Variants in TAFA4 observed in about 807,000 individuals in gnomAD.
The protein encoded by TAFA4 is chemokine-like protein TAFA-4.
In TAFA4, 20 loss-of-function variants were observed where a neutral mutation model predicts 21.1. The observed-to-expected ratio is 0.95, with a 90% CI of 0.67 to 1.38. The LOEUF is 1.38. Among genes scored for constraint, TAFA4 ranks in the 40% most tolerant of loss-of-function variants. TAFA4 has a pLI of 0.00. For missense variants in TAFA4, 211 were observed against 180.9 expected, an observed-to-expected ratio of 1.17 and a Z score of -0.95; for synonymous variants, 71 against 67.4, an observed-to-expected ratio of 1.05 and a Z score of -0.26.
intron 3 of TAFA4, among the ~76,000 whole-genome samples, chr3:68,870,928 G>A (rs189544906): frequency 1.2e-4 from 19 of 152,166 alleles, no homozygotes; most frequent in Non-Finnish European, 2.8e-4. Flanking sequence ...TCTTTTTTAT[G>A]GCTGCATAGT....
rs140891560 is a variant in TAFA4 at position 68,811,348 on chromosome 3, G to A, written c.131-58330C>T. ...GAATGACTTCGACAAGCTGAGACAA[G>A]AAGGCTTCAGATGATCAAACTACTC... On this transcript the variant is annotated intron_variant, in intron 3 of 5. Transcript: ENST00000295569. Among the ~76,000 whole-genome samples the A allele has an allele frequency of 4.7e-3, 718 of 152,302 alleles. 7 individuals are homozygous for A. The highest frequency in any genetic ancestry group is 0.037 in the Middle Eastern group (11 of 294).
At chr3:68,835,301 T>C (rs1215095601) in intron 3 of TAFA4, among the ~76,000 whole-genome samples, 1 of 152,190 alleles carries the variant, frequency 6.6e-6, no homozygotes. Flanking sequence ...TGACATTTAC[T>C]TTTTTCTCTT....
At chr3:68,818,354 T>G (rs1478691177) in intron 3 of TAFA4, among the ~76,000 whole-genome samples, 1 of 152,210 alleles carries the variant, frequency 6.6e-6, no homozygotes, top group African/African-American at 2.4e-5. Context: ...TTAAACTTTC[T>G]CCATATCTTC....
chr3:68,820,540 A>T (rs1257080457), intron 3 of TAFA4, among the ~76,000 whole-genome samples: 1 of 152,170 alleles, frequency 6.6e-6, no homozygotes, highest in African/African-American at 2.4e-5. Context: ...TTAGCTGGGC[A>T]TGATGGCATG....
At chr3:68,860,308 GT>G (rs1270429704) in intron 3 of TAFA4, among the ~76,000 whole-genome samples, 1 of 152,132 alleles carries the variant, frequency 6.6e-6, no homozygotes, top group Non-Finnish European at 1.5e-5. Flanking sequence ...TGAATATCAA[GT>G]GCACTATTGT....
chr3:68,824,706 T>C (rs1032304), intron 3 of TAFA4, among the ~76,000 whole-genome samples: 60,691 of 152,064 alleles, frequency 0.4, 12,741 homozygotes, highest in Non-Finnish European at 0.47. Context: ...TGACACAGAA[T>C]GCAATGTTTT....
intron 3 of TAFA4, among the ~76,000 whole-genome samples, chr3:68,760,490 T>C (rs537503424): frequency 6.6e-6 from 1 of 152,308 alleles, no homozygotes; most frequent in Non-Finnish European, 1.5e-5. Context: ...CTTCTCCTTT[T>C]GTTGAAATCC....
chr3:68,739,744 T>C (rs1373391214), intron 4 of TAFA4, among the ~76,000 whole-genome samples: 1 of 152,122 alleles, frequency 6.6e-6, no homozygotes, highest in Admixed American at 6.5e-5. Flanking sequence ...GAACTGGAGA[T>C]CATTATCTTA....
intron 1 of TAFA4, among the ~76,000 whole-genome samples, chr3:68,887,254 C>T (rs1261138130): frequency 6.6e-6 from 1 of 152,196 alleles, no homozygotes; most frequent in Non-Finnish European, 1.5e-5. Flanking sequence ...AGTCTTAAAG[C>T]TGGAGAATAA....
chr3:68,765,495 T>C (rs1873263), intron 3 of TAFA4, among the ~76,000 whole-genome samples: 104,724 of 152,022 alleles, frequency 0.69, 36,589 homozygotes, highest in East Asian at 0.99. Flanking sequence ...ACACACTATA[T>C]ATGTCATTAA....
chr3:68,753,114 TC>T, intron 3 of TAFA4, 96 bp from the exon 4 acceptor site: 2 of 1,081,634 alleles, frequency 1.8e-6, no homozygotes, highest in Non-Finnish European at 2.7e-6. Context: ...TTTTCCAACT[TC>T]CTGTGCTATG....
chr3:68,843,978 C>G (rs553853189), intron 3 of TAFA4, among the ~76,000 whole-genome samples: 2 of 152,138 alleles, frequency 1.3e-5, no homozygotes, highest in Admixed American at 6.5e-5. Context: ...CTGAAATTTT[C>G]TTTTTTTGTT....
At chr3:68,848,533 A>C (rs1301440577) in intron 3 of TAFA4, among the ~76,000 whole-genome samples, 2 of 152,236 alleles carry the variant, frequency 1.3e-5, no homozygotes, top group Non-Finnish European at 2.9e-5. Flanking sequence ...CCTACTTTAC[A>C]GCCTTTCCAG....
chr3:68,876,101 T>C (rs9876251), intron 3 of TAFA4, among the ~76,000 whole-genome samples: 5,591 of 152,288 alleles, frequency 0.037, 351 homozygotes, highest in African/African-American at 0.13. Flanking sequence ...GGACTTATCA[T>C]AGTAGGCTCT....
intron 1 of TAFA4, among the ~76,000 whole-genome samples, chr3:68,905,773 G>A (rs183355730): frequency 2.1e-3 from 316 of 152,282 alleles, no homozygotes; most frequent in Non-Finnish European, 3.7e-3. Context: ...TTATAATCAG[G>A]AGTTCTCATT....
chr3:68,816,434 A>C (rs897476964), intron 3 of TAFA4, among the ~76,000 whole-genome samples: 2 of 152,138 alleles, frequency 1.3e-5, no homozygotes, highest in Non-Finnish European at 2.9e-5. Flanking sequence ...TCGTTTATGT[A>C]CTTGAGTAAA....
chr3:68,750,571 A>G (rs1394492750), intron 4 of TAFA4, among the ~76,000 whole-genome samples: 2 of 152,204 alleles, frequency 1.3e-5, no homozygotes, highest in Non-Finnish European at 2.9e-5. Flanking sequence ...CCAAACAGAT[A>G]AATGCAGTTA....
intron 4 of TAFA4, among the ~76,000 whole-genome samples, chr3:68,739,879 G>A (rs1702317497): frequency 6.6e-6 from 1 of 152,146 alleles, no homozygotes; most frequent in African/African-American, 2.4e-5. Context: ...TGGAAGGGTG[G>A]GAAGGACGAG....
intron 4 of TAFA4, among the ~76,000 whole-genome samples, chr3:68,742,348 GT>G (rs1702374343): frequency 6.6e-6 from 1 of 152,198 alleles, no homozygotes; most frequent in Non-Finnish European, 1.5e-5. Context: ...AAAGGAAGAA[GT>G]TAAATTTTCT....
Sources: gnomAD v4.1 joint callset for allele counts (sites outside exome capture counted in the v4.1 genomes callset) on GRCh38, gnomAD v4.1.1 for gene constraint, MANE v1.5 for transcripts, NCBI Gene and HGNC (gene_info 2026-07-23, HGNC 2026-07-21) for gene names.